ARHGAP23: variants seen among roughly 807,000 people sequenced by gnomAD.
ARHGAP23 encodes the protein Rho GTPase activating protein 23.
ARHGAP23 carries 34 observed loss-of-function variants against 136.3 expected under a neutral mutation model. The observed-to-expected ratio is 0.25, with a 90% CI of 0.19 to 0.33. The LOEUF is 0.33. Among genes scored for constraint, ARHGAP23 ranks in the 10% least tolerant of loss-of-function variants. The pLI is 1.00. For missense variants in ARHGAP23, 1,808 were observed against 2,139.0 expected (o/e 0.85, Z 3.05); for synonymous variants, 832 against 920.5 (o/e 0.90, Z 1.74).
At position 38,510,090 on chromosome 17, in the gene ARHGAP23, C is replaced by T. The variant is rs1046607671; in HGVS notation, c.3594C>T (p.His1198=). The change falls in exon 24 of 24, where the codon CAC becomes CAT. Residue 1198 remains histidine, a synonymous_variant. Transcript: ENST00000622683. This position sits in a 1 kb window ranked among gnomAD's most constrained non-coding sequence, Gnocchi z 4.6. The stretch of plus-strand genomic sequence containing the variant: ...ACGACGACTCGGAGCAGGAGGCGCA[C>T]AAGCCTGGGGCGGGGGCCACAGCGC... ...STDDDSEQEA[H]KPGAGATAPG... 1.7e-5 allele frequency: 21 copies of T among 1,241,582 alleles called. No homozygotes were observed. Among genetic ancestry groups the T allele is most frequent in the Non-Finnish European group, 2.1e-5 (21 of 995,202 alleles). The allele number at this position is 1,241,582 out of a possible 1,614,324, so 76.9% of individuals were successfully genotyped here.
At chr17:38,436,719 C>G (rs748467899) in intron 1 of ARHGAP23, among the ~76,000 whole-genome samples, 1 of 152,212 alleles carries the variant, frequency 6.6e-6, no homozygotes, top group Non-Finnish European at 1.5e-5. Flanking sequence ...TCCAGCCCAT[C>G]GATCAGTCCA....
At chr17:38,479,713 C>A (rs1215785173) in intron 13 of ARHGAP23, 40 bp from the exon 14 acceptor site, 1 of 1,463,898 alleles carries the variant, frequency 6.8e-7, no homozygotes, top group South Asian at 1.4e-5. Flanking sequence ...CTTGGCCACC[C>A]CAAATGAAGA....
rs770472530 is a variant in ARHGAP23, at chr17:38,466,812, C to T, written c.1129C>T (p.Arg377Trp). The T allele has an allele frequency of 1.8e-5, 28 of 1,549,074 alleles. No individual in the cohort carries two copies. The highest frequency in any genetic ancestry group is 1.5e-4 in the South Asian group (13 of 84,016). The change falls in exon 7 of 24, where the codon CGG becomes TGG. Residue 377 changes from arginine (R) to tryptophan (W), a missense_variant. By Grantham distance (101) the Arg-to-Trp change is moderately radical. Coordinates refer to ENST00000622683, the MANE Select transcript of ARHGAP23 (RefSeq NM_001199417.2). ...PGALVSPRFE[R>W]CGWASQRSSA... Reference sequence around the variant, plus strand: ...GGCACTGGTGTCACCCCGCTTTGAGCGGTGTGGCTGGGCTTCCCAGCGTTC... The same window carrying T: ...GGCACTGGTGTCACCCCGCTTTGAGTGGTGTGGCTGGGCTTCCCAGCGTTC...
intron 1 of ARHGAP23, among the ~76,000 whole-genome samples, chr17:38,439,819 G>T (rs951034220): frequency 1.3e-5 from 2 of 151,700 alleles, no homozygotes; most frequent in African/African-American, 4.9e-5. Flanking sequence ...CTGTCACCCA[G>T]GCTGGAGTGC....
intron 6 of ARHGAP23, among the ~76,000 whole-genome samples, chr17:38,465,626 G>A: frequency 6.6e-6 from 1 of 152,232 alleles, no homozygotes; most frequent in East Asian, 1.9e-4. Flanking sequence ...CTTCAAGCCT[G>A]GCAGGAGGTG....
At chr17:38,426,904 G>C (rs1036864600), upstream of ARHGAP23, among the ~76,000 whole-genome samples, 3 of 152,156 alleles carry the variant, frequency 2.0e-5, no homozygotes, top group Admixed American at 6.5e-5. Context: ...TGGAGGTCTT[G>C]GGGCTGCTCG....
intron 1 of ARHGAP23, chr17:38,454,151 C>T: frequency 6.6e-6 from 1 of 150,644 alleles, no homozygotes; most frequent in South Asian, 1.8e-4. Context: ...GTGAGAGCCG[C>T]GGGGCCGGGG....
chr17:38,442,958 G>A (rs2038952128), intron 1 of ARHGAP23, among the ~76,000 whole-genome samples: 1 of 152,164 alleles, frequency 6.6e-6, no homozygotes, highest in South Asian at 2.1e-4. Context: ...CTCCGATGGG[G>A]GGATGGAGCG....
intron 20 of ARHGAP23, 68 bp downstream of exon 20, chr17:38,491,600 G>A (rs754528201): frequency 8.4e-5 from 130 of 1,541,766 alleles, no homozygotes; most frequent in Non-Finnish European, 1.1e-4. Flanking sequence ...TGAGCCCCTC[G>A]CTCTTGCTCC....
At chr17:38,492,247 G>T (rs1338538637) in intron 20 of ARHGAP23, among the ~76,000 whole-genome samples, 1 of 152,186 alleles carries the variant, frequency 6.6e-6, no homozygotes, top group Non-Finnish European at 1.5e-5. Context: ...GCCGCCTTCT[G>T]GTGTGCACAC....
intron 1 of ARHGAP23, among the ~76,000 whole-genome samples, chr17:38,435,563 C>G (rs143422187): frequency 2.6e-5 from 4 of 152,372 alleles, no homozygotes; most frequent in African/African-American, 9.6e-5. Flanking sequence ...AACCCGATCT[C>G]TCCTTGGCCT....
intron 11 of ARHGAP23, among the ~76,000 whole-genome samples, chr17:38,474,355 C>T (rs1363381740): frequency 6.6e-6 from 1 of 152,096 alleles, no homozygotes; most frequent in African/African-American, 2.4e-5. Flanking sequence ...GGTGTGAGGC[C>T]GGGTGGAGCA....
chr17:38,421,534 GC>G (rs1330573693), intron 1 of ARHGAP23, among the ~76,000 whole-genome samples: 7 of 152,250 alleles, frequency 4.6e-5, no homozygotes, highest in Non-Finnish European at 2.9e-5. Context: ...CATGTGCTGA[GC>G]CCTCTTGTAA....
intron 1 of ARHGAP23, among the ~76,000 whole-genome samples, chr17:38,445,717 C>T (rs1465234223): frequency 6.6e-6 from 1 of 151,760 alleles, no homozygotes; most frequent in African/African-American, 2.4e-5. Context: ...TCACTGCAGC[C>T]TTGACGCCCT....
chr17:38,507,701 T>A (rs935351131), intron 23 of ARHGAP23, among the ~76,000 whole-genome samples: 1 of 152,164 alleles, frequency 6.6e-6, no homozygotes. Context: ...TCCAGGCTGA[T>A]CCTAGCAGTG....
chr17:38,483,948 G>T (rs1188065737), intron 16 of ARHGAP23, among the ~76,000 whole-genome samples: 1 of 152,170 alleles, frequency 6.6e-6, no homozygotes, highest in African/African-American at 2.4e-5. Context: ...GGTGGGGAGG[G>T]TGAGGCCCCA....
chr17:38,467,603 C>CCCAT (rs568421410), intron 7 of ARHGAP23, among the ~76,000 whole-genome samples: 5 of 152,034 alleles, frequency 3.3e-5, no homozygotes, highest in South Asian at 4.2e-4. Flanking sequence ...TTTCCCTCTC[C>CCCAT]CCATCCATCC....
chr17:38,438,379 G>A (rs2038850696), intron 1 of ARHGAP23, among the ~76,000 whole-genome samples: 1 of 152,006 alleles, frequency 6.6e-6, no homozygotes, highest in African/African-American at 2.4e-5. Flanking sequence ...GAGGAGAAGG[G>A]AGAGAAGGGT....
At chr17:38,454,867 A>G (rs1305074022) in intron 1 of ARHGAP23, among the ~76,000 whole-genome samples, 1 of 152,218 alleles carries the variant, frequency 6.6e-6, no homozygotes, top group Non-Finnish European at 1.5e-5. Context: ...TTGTGGCCTA[A>G]GGCCGTCTGC....
Sources: allele counts gnomAD v4.1 joint callset (sites outside exome capture counted in the v4.1 genomes callset), GRCh38; gene constraint gnomAD v4.1.1; non-coding constraint Gnocchi (gnomAD v3.1); transcripts MANE v1.5; gene names NCBI Gene and HGNC (gene_info 2026-07-23, HGNC 2026-07-21).